RSRC1: variants seen among roughly 807,000 people sequenced by gnomAD.
RSRC1 encodes the protein arginine and serine rich coiled-coil 1, also known as serine/Arginine-related protein 53.
RSRC1 carries 39 observed loss-of-function variants against 49.1 expected under a neutral mutation model. The observed-to-expected ratio is 0.79, with a 90% CI of 0.61 to 1.04. RSRC1 has a LOEUF of 1.04. Ranked by LOEUF, RSRC1 falls within the 50% of genes least tolerant of loss-of-function variation. The probability of loss-of-function intolerance (pLI) is 0.00; values close to 1 mark genes in which losing one functional copy is unlikely to be tolerated. For missense variants in RSRC1, 388 were observed against 402.4 expected, an observed-to-expected ratio of 0.96 and a Z score of 0.31; for synonymous variants, 143 against 130.8, an observed-to-expected ratio of 1.09 and a Z score of -0.63.
At chr3:158,274,885 G>A (rs987897463) in intron 4 of RSRC1, among the ~76,000 whole-genome samples, 2 of 152,060 alleles carry the variant, frequency 1.3e-5, no homozygotes, top group Non-Finnish European at 2.9e-5. Context: ...GTAGCCTATG[G>A]GAATACACAC....
chr3:158,424,444 G>C (rs1281508406), intron 6 of RSRC1, among the ~76,000 whole-genome samples: 4 of 151,158 alleles, frequency 2.6e-5, no homozygotes, highest in Non-Finnish European at 5.9e-5. Context: ...TGATCATGGT[G>C]GATAAGCTTT....
intron 6 of RSRC1, among the ~76,000 whole-genome samples, chr3:158,404,182 T>TA (rs1198916518): frequency 6.6e-6 from 1 of 151,898 alleles, no homozygotes; most frequent in Non-Finnish European, 1.5e-5. Flanking sequence ...TTTGTTGCTA[T>TA]AATAAAATTG....
chr3:158,419,100 A>G (rs764257866), intron 6 of RSRC1, among the ~76,000 whole-genome samples: 1 of 151,996 alleles, frequency 6.6e-6, no homozygotes, highest in African/African-American at 2.4e-5. Flanking sequence ...ATTTAGTCAC[A>G]TGAGTGTTAT....
chr3:158,540,461 C>G (rs923305193), intron 8 of RSRC1, among the ~76,000 whole-genome samples: 18 of 152,094 alleles, frequency 1.2e-4, no homozygotes, highest in Admixed American at 2.6e-4. Flanking sequence ...GCCCAGATAT[C>G]TATCCCTCAG....
chr3:158,211,084 T>C lies in RSRC1; in HGVS notation c.494+7839T>C, dbSNP rs199668031. On this transcript the variant is annotated intron_variant, in intron 4 of 9. Transcript: ENST00000611884. ...ATGGGAGTAGCCTCATGCTGGACTT[T>C]TTAGTAAGTTTCATTACATGGTCTA... is the stretch of plus-strand genomic sequence containing the variant. 3.9e-5 allele frequency among the ~76,000 whole-genome samples: 6 copies of C among 152,194 alleles called. No homozygotes were observed. The East Asian group carries it at 1.2e-3, about 29-fold the overall frequency.
At chr3:158,363,153 T>A (rs1731570654) in intron 6 of RSRC1, among the ~76,000 whole-genome samples, 1 of 152,166 alleles carries the variant, frequency 6.6e-6, no homozygotes, top group East Asian at 1.9e-4. Flanking sequence ...GTTAATTAGG[T>A]CCAGTTTACA....
chr3:158,522,737 T>C (rs1427049168), intron 7 of RSRC1, among the ~76,000 whole-genome samples: 1 of 152,120 alleles, frequency 6.6e-6, no homozygotes, highest in Non-Finnish European at 1.5e-5. Flanking sequence ...TCATTTTTTT[T>C]CCCTGGACAG....
At chr3:158,413,926 G>A (rs560746966) in intron 6 of RSRC1, among the ~76,000 whole-genome samples, 11 of 152,258 alleles carry the variant, frequency 7.2e-5, no homozygotes, top group Middle Eastern at 3.4e-3. Flanking sequence ...AGTCAGTGTG[G>A]AGATTCCTCA....
At chr3:158,359,173 CCAA>C (rs1299649939) in intron 6 of RSRC1, among the ~76,000 whole-genome samples, 62 of 152,238 alleles carry the variant, frequency 4.1e-4, no homozygotes, top group Middle Eastern at 3.4e-3. Context: ...TACTTTCGCA[CCAA>C]TAGCAGTGTA....
chr3:158,199,777 T>G (rs893169826), intron 3 of RSRC1, among the ~76,000 whole-genome samples: 2 of 152,204 alleles, frequency 1.3e-5, no homozygotes, highest in African/African-American at 4.8e-5. Flanking sequence ...ACTCATGGAT[T>G]ATTTAAAAGT....
chr3:158,399,560 G>T (rs1048509245), intron 6 of RSRC1, among the ~76,000 whole-genome samples: 1 of 152,122 alleles, frequency 6.6e-6, no homozygotes, highest in South Asian at 2.1e-4. Context: ...GCAACATGTG[G>T]CTATTTACAT....
intron 4 of RSRC1, among the ~76,000 whole-genome samples, chr3:158,253,539 G>A (rs1724346951): frequency 6.6e-6 from 1 of 152,088 alleles, no homozygotes; most frequent in Non-Finnish European, 1.5e-5. Flanking sequence ...AGAGTGTTCT[G>A]CAGCCATTAG....
At chr3:158,271,883 G>C (rs767767456) in intron 4 of RSRC1, among the ~76,000 whole-genome samples, 2 of 152,042 alleles carry the variant, frequency 1.3e-5, no homozygotes, top group Non-Finnish European at 2.9e-5. Context: ...AGTGACATGA[G>C]TTACCATGAG....
chr3:158,132,500 A>G (rs1280146106), intron 3 of RSRC1, among the ~76,000 whole-genome samples: 1 of 152,140 alleles, frequency 6.6e-6, no homozygotes, highest in Non-Finnish European at 1.5e-5. Flanking sequence ...CTACATTTTA[A>G]CATTGTAGTA....
chr3:158,375,919 G>A (rs913918958), intron 6 of RSRC1, among the ~76,000 whole-genome samples: 4 of 152,170 alleles, frequency 2.6e-5, no homozygotes, highest in African/African-American at 9.7e-5. Context: ...CAGGGACCAG[G>A]TGGTTCTTTC....
rs368397734 is a variant in RSRC1, at chr3:158,400,465, G to T, written c.583+45557G>T. Among the ~76,000 whole-genome samples, 300 of 152,130 alleles carry T rather than the reference G, an allele frequency of 2.0e-3. 4 individuals carry two copies. The South Asian group carries it at 0.03, about 15-fold the overall frequency. On this transcript the variant is annotated intron_variant, in intron 6 of 9. Transcript: ENST00000611884. ...GTAGCCTCAGGCAGGTTCTTCAGGAGGTATTCCAGAAGAAGGCATTGTTGT... is the reference window on the plus strand; with the variant it reads ...GTAGCCTCAGGCAGGTTCTTCAGGATGTATTCCAGAAGAAGGCATTGTTGT...
At chr3:158,213,976 A>G (rs188056511) in intron 4 of RSRC1, among the ~76,000 whole-genome samples, 7 of 152,016 alleles carry the variant, frequency 4.6e-5, no homozygotes, top group Admixed American at 2.6e-4. Context: ...TTCCACATCC[A>G]TGGATTCAAC....
intron 4 of RSRC1, among the ~76,000 whole-genome samples, chr3:158,243,864 A>G (rs1256425438): frequency 6.6e-6 from 1 of 151,578 alleles, no homozygotes; most frequent in Non-Finnish European, 1.5e-5. Flanking sequence ...ACGTAGAGGA[A>G]TGCTAGTGAT....
chr3:158,481,223 G>A (rs564919722), intron 7 of RSRC1, among the ~76,000 whole-genome samples: 7 of 151,982 alleles, frequency 4.6e-5, no homozygotes, highest in South Asian at 2.1e-4. Flanking sequence ...GTCATGTTAC[G>A]TATTAAATAA....
Sources: gnomAD v4.1 joint callset for allele counts (sites outside exome capture counted in the v4.1 genomes callset) on GRCh38, gnomAD v4.1.1 for gene constraint, MANE v1.5 for transcripts, NCBI Gene and HGNC (gene_info 2026-07-23, HGNC 2026-07-21) for gene names.